FOXP1: variants seen among roughly 807,000 people sequenced by gnomAD.
FOXP1 encodes the protein forkhead box P1, also known as forkhead box protein P1.
A neutral mutation model predicts 98.2 loss-of-function variants in FOXP1; 15 were observed. The ratio of observed to expected loss-of-function variants is 0.15; its 90% CI spans 0.10 to 0.24. The LOEUF (loss-of-function observed/expected upper bound fraction) is 0.24. FOXP1 is among the 10% of genes least tolerant of loss of function. The probability of loss-of-function intolerance (pLI) is 1.00; values close to 1 mark genes in which losing one functional copy is unlikely to be tolerated. For missense variants in FOXP1, 633 were observed against 848.5 expected (o/e 0.75, Z 3.15); for synonymous variants, 371 against 314.5 (o/e 1.18, Z -1.90).
At chr3:71,174,785 T>TACACACACACACACACACACACACACAC (rs3064896) in intron 6 of FOXP1, among the ~76,000 whole-genome samples, 1 of 131,676 alleles carries the variant, frequency 7.6e-6, no homozygotes, top group Non-Finnish European at 1.6e-5. Flanking sequence ...TGCACATGCA[T>TACACACACACACACACACACACACACAC]ACACACACAC....
chr3:70,967,718 T>TTTTTTTTTTTTTTTTA (rs2035242743), intron 19 of FOXP1, among the ~76,000 whole-genome samples: 1 of 141,862 alleles, frequency 7.0e-6, no homozygotes, highest in Admixed American at 7.0e-5. Context: ...TTGTTTTTTT[T>TTTTTTTTTTTTTTTTA]TTTTTTTTTT....
At chr3:71,582,774 G>C (rs918805096) in intron 1 of FOXP1, 4 of 985,388 alleles carry the variant, frequency 4.1e-6, no homozygotes, top group Non-Finnish European at 4.8e-6. Flanking sequence ...GTGCGTGTCT[G>C]GCTGGGGGTG....
chr3:71,447,127 T>C (rs2086520767), intron 3 of FOXP1, among the ~76,000 whole-genome samples: 1 of 152,240 alleles, frequency 6.6e-6, no homozygotes, highest in Non-Finnish European at 1.5e-5. Context: ...GGGCTCTGCA[T>C]AGGAAACCTC....
chr3:71,037,446 A>T (rs1681608061), intron 11 of FOXP1, among the ~76,000 whole-genome samples: 1 of 152,176 alleles, frequency 6.6e-6, no homozygotes, highest in African/African-American at 2.4e-5. Context: ...GAAACAAGAC[A>T]GTATCTTCAT....
chr3:71,397,573 A>G (rs2081622217), intron 3 of FOXP1, among the ~76,000 whole-genome samples: 1 of 152,248 alleles, frequency 6.6e-6, no homozygotes, highest in African/African-American at 2.4e-5. Context: ...ATGTTAAACA[A>G]ATGATTTTAC....
intron 2 of FOXP1, among the ~76,000 whole-genome samples, chr3:71,529,597 G>C (rs533785261): frequency 3.0e-4 from 46 of 152,248 alleles, no homozygotes; most frequent in African/African-American, 1.0e-3. Flanking sequence ...TCCAGAGAGG[G>C]GAGAGGGACT....
At chr3:71,225,950 T>G (rs185592738) in intron 5 of FOXP1, among the ~76,000 whole-genome samples, 2 of 152,280 alleles carry the variant, frequency 1.3e-5, no homozygotes, top group Admixed American at 1.3e-4. Context: ...AACACTGAGT[T>G]TCAGAGGGCT....
At chr3:71,051,310 C>A (rs951818322) in intron 9 of FOXP1, among the ~76,000 whole-genome samples, 1 of 152,194 alleles carries the variant, frequency 6.6e-6, no homozygotes, top group South Asian at 2.1e-4. Context: ...CACCTCCTCC[C>A]CTTCACCCCA....
chr3:71,526,516 CA>C (rs1361780726), intron 2 of FOXP1, among the ~76,000 whole-genome samples: 3 of 152,162 alleles, frequency 2.0e-5, no homozygotes, highest in African/African-American at 7.2e-5. Context: ...GAATTCCATC[CA>C]AAGCAGAAAC....
At chr3:71,278,684 A>G (rs998228087) in intron 5 of FOXP1, among the ~76,000 whole-genome samples, 15 of 152,184 alleles carry the variant, frequency 9.9e-5, no homozygotes, top group Non-Finnish European at 2.2e-4. Flanking sequence ...AGGAGGCTGA[A>G]GCAGGAGAAT....
At position 71,026,766 on chromosome 3, in the gene FOXP1, C is replaced by G. The variant is rs567025630; in HGVS notation, c.870-11113G>C. On this transcript the variant is annotated intron_variant, in intron 11 of 20. Transcript: ENST00000649528. ...CTGGGCAAAATGTGCCATCTTGATT[C>G]CCAGATGCCAGGAGTATTTATGTGG... is the stretch of plus-strand genomic sequence containing the variant. Among the ~76,000 whole-genome samples, 9 of 152,314 alleles carry G rather than the reference C, an allele frequency of 5.9e-5. No homozygotes were observed. The East Asian group carries it at 1.7e-3, about 29-fold the overall frequency.
intron 2 of FOXP1, among the ~76,000 whole-genome samples, chr3:71,500,217 C>T (rs573306534): frequency 2.6e-5 from 4 of 152,310 alleles, no homozygotes; most frequent in African/African-American, 9.6e-5. Flanking sequence ...TTAAGTAAAC[C>T]CACTAGACTA....
chr3:71,160,187 C>CT (rs113079967), intron 6 of FOXP1, among the ~76,000 whole-genome samples: 3,781 of 150,208 alleles, frequency 0.025, 157 homozygotes, highest in African/African-American at 0.086. Context: ...GTATGTATTT[C>CT]TTTTTTTTTT....
intron 6 of FOXP1, 37 bp downstream of exon 6, chr3:71,198,165 C>A (rs2063411576): frequency 6.2e-7 from 1 of 1,613,960 alleles, no homozygotes; most frequent in African/African-American, 1.3e-5. Flanking sequence ...AATTCGCACC[C>A]ACCACCTCCA....
intron 2 of FOXP1, among the ~76,000 whole-genome samples, chr3:71,533,117 G>A (rs1018113108): frequency 6.6e-6 from 1 of 152,130 alleles, no homozygotes; most frequent in East Asian, 1.9e-4. Context: ...AAATATTTTT[G>A]ACTTTCTTAA....
intron 2 of FOXP1, among the ~76,000 whole-genome samples, chr3:71,503,110 A>G (rs542444969): frequency 2.6e-5 from 4 of 152,290 alleles, no homozygotes; most frequent in Non-Finnish European, 4.4e-5. Context: ...GAGAAAACCA[A>G]TGGTCCCTGA....
chr3:71,384,863 A>G (rs1484878880), intron 3 of FOXP1, among the ~76,000 whole-genome samples: 1 of 152,180 alleles, frequency 6.6e-6, no homozygotes, highest in Admixed American at 6.5e-5. Context: ...TGGGAAGGCA[A>G]TTTTTGTCAG....
intron 6 of FOXP1, among the ~76,000 whole-genome samples, chr3:71,117,098 T>C (rs544884126): frequency 6.6e-6 from 1 of 152,016 alleles, no homozygotes; most frequent in Non-Finnish European, 1.5e-5. Flanking sequence ...TCTTTTTTTT[T>C]TTTCTTTGAG....
At position 70,955,793 on chromosome 3, in the gene FOXP1, G is replaced by C. The variant is rs2031615422; in HGVS notation, c.*3454C>G. ...AGTGGTAGGATAAACACAAGGGATA[G>C]GAATGTATCAAAAAACAGATTAACA... On this transcript the variant is annotated 3_prime_UTR_variant, in exon 21 of 21. Coordinates refer to ENST00000649528, the MANE Select transcript of FOXP1 (RefSeq NM_001349338.3). 8.6e-6 allele frequency: 2 copies of C among 232,138 alleles called. No individual in the cohort carries two copies. The highest frequency in any genetic ancestry group is 1.8e-4 in the South Asian group (1 of 5,522). 14.4% of individuals were successfully genotyped at this position (232,138 alleles called of 1,614,324 possible). A position where few individuals can be genotyped will look rare whatever the true frequency, so the allele number is the denominator to read the frequency against.
Sources: gnomAD v4.1 joint callset for allele counts (sites outside exome capture counted in the v4.1 genomes callset) on GRCh38, gnomAD v4.1.1 for gene constraint, MANE v1.5 for transcripts, NCBI Gene and HGNC (gene_info 2026-07-23, HGNC 2026-07-21) for gene names.